AGFG1: variants seen among roughly 807,000 people sequenced by gnomAD.
The protein encoded by AGFG1 is ArfGAP with FG repeats 1.
In AGFG1, 10 loss-of-function variants were observed where a neutral mutation model predicts 60.6. The observed-to-expected ratio is 0.16, with a 90% CI of 0.10 to 0.28. AGFG1 has a LOEUF of 0.28. Among genes scored for constraint, AGFG1 ranks in the 10% least tolerant of loss-of-function variants. The probability of loss-of-function intolerance (pLI) is 1.00; values close to 1 mark genes in which losing one functional copy is unlikely to be tolerated. For synonymous variants in AGFG1, 247 were observed against 242.9 expected (o/e 1.02, Z -0.16); for missense variants, 537 against 676.5 (o/e 0.79, Z 2.29).
rs564314364 is a variant in AGFG1, at chr2:227,548,886, G to A, written c.1379-3073G>A. On this transcript the variant is annotated intron_variant, in intron 10 of 12. Transcript: ENST00000310078. ...CGGGAGGTGGAGCTTGCAGTGAGCCGAGATCACACCACTGCACTCCATCCT... is the reference window on the plus strand; with the variant it reads ...CGGGAGGTGGAGCTTGCAGTGAGCCAAGATCACACCACTGCACTCCATCCT... Among the ~76,000 whole-genome samples, 512 of 151,740 alleles carry A rather than the reference G, an allele frequency of 3.4e-3. 4 individuals are homozygous for A. The highest frequency in any genetic ancestry group is 5.1e-3 in the Non-Finnish European group (347 of 67,900).
At chr2:227,514,152 C>T (rs2106198015) in intron 2 of AGFG1, among the ~76,000 whole-genome samples, 1 of 152,342 alleles carries the variant, frequency 6.6e-6, no homozygotes, top group African/African-American at 2.4e-5. Context: ...TTTCATCACT[C>T]CATAGCCCAT....
At chr2:227,544,996 G>T (rs984886329) in intron 10 of AGFG1, among the ~76,000 whole-genome samples, 3 of 152,196 alleles carry the variant, frequency 2.0e-5, no homozygotes, top group African/African-American at 7.2e-5. Flanking sequence ...TGAATTTGAA[G>T]GTTGGCTTGC....
At chr2:227,475,932 A>G (rs80028344) in intron 1 of AGFG1, among the ~76,000 whole-genome samples, 2,817 of 152,350 alleles carry the variant, frequency 0.018, 88 homozygotes, top group African/African-American at 0.064. Flanking sequence ...AGCAAATAGT[A>G]TCCACTATCA....
chr2:227,533,285 AC>A (rs34874642), intron 6 of AGFG1, among the ~76,000 whole-genome samples: 1 of 151,982 alleles, frequency 6.6e-6, no homozygotes, highest in African/African-American at 2.4e-5. Context: ...GTGTGGAGAT[AC>A]CCCTCCATGA....
chr2:227,515,927 C>T (rs1691636797), intron 2 of AGFG1, among the ~76,000 whole-genome samples: 1 of 152,086 alleles, frequency 6.6e-6, no homozygotes, highest in African/African-American at 2.4e-5. Flanking sequence ...GTGAGTAGGT[C>T]ATAAGGAATT....
At chr2:227,503,343 C>G (rs1329875241) in intron 2 of AGFG1, among the ~76,000 whole-genome samples, 2 of 152,016 alleles carry the variant, frequency 1.3e-5, no homozygotes, top group African/African-American at 4.8e-5. Context: ...ACAACACTGT[C>G]TTTTGGTTAC....
chr2:227,553,594 T>G (rs946892291), intron 11 of AGFG1, 110 bp from the exon 12 acceptor site: 4 of 868,854 alleles, frequency 4.6e-6, no homozygotes, highest in Non-Finnish European at 7.3e-6. Flanking sequence ...TTTAACATTT[T>G]ATTTTTGCTG....
At chr2:227,537,757 T>C (rs1692355484) in intron 10 of AGFG1, among the ~76,000 whole-genome samples, 1 of 152,186 alleles carries the variant, frequency 6.6e-6, no homozygotes, top group African/African-American at 2.4e-5. Context: ...TTTGTTTTTG[T>C]GTATATGTCA....
chr2:227,484,993 A>G (rs1428957528), intron 1 of AGFG1, among the ~76,000 whole-genome samples: 3 of 152,000 alleles, frequency 2.0e-5, no homozygotes, highest in Non-Finnish European at 4.4e-5. Context: ...TACACACATA[A>G]GCCACCGTAC....
At position 227,481,164 on chromosome 2, in the gene AGFG1, A is replaced by G. The variant is rs185661666; in HGVS notation, c.167+8576A>G. On this transcript the variant is annotated intron_variant, in intron 1 of 12. Coordinates refer to ENST00000310078, the MANE Select transcript of AGFG1 (RefSeq NM_004504.5). ...CTCACGCTTTTTATAGTGCAGACATATTTTCTCCAATCTTCTTTTTTGGGG... is the reference window on the plus strand; with the variant it reads ...CTCACGCTTTTTATAGTGCAGACATGTTTTCTCCAATCTTCTTTTTTGGGG... 1.2e-4 allele frequency among the ~76,000 whole-genome samples: 12 copies of G among 98,182 alleles called. No individual in the cohort carries two copies. The East Asian group carries it at 3.0e-3, about 24-fold the overall frequency. The allele number at this position is 98,182 out of a possible 152,430, so 64.4% of individuals were successfully genotyped here.
chr2:227,536,822 G>A, intron 9 of AGFG1, 79 bp from the exon 10 acceptor site: 1 of 1,542,322 alleles, frequency 6.5e-7, no homozygotes, highest in Non-Finnish European at 8.9e-7. Flanking sequence ...TTTCTGTCTT[G>A]ATAAATATAG....
chr2:227,479,085 A>G lies in AGFG1; in HGVS notation c.167+6497A>G, dbSNP rs77356508. Among the ~76,000 whole-genome samples, 1,007 of 152,336 alleles carry G rather than the reference A, an allele frequency of 6.6e-3. 20 individuals are homozygous for G. The highest frequency in any genetic ancestry group is 0.023 in the African/African-American group (965 of 41,568). On this transcript the variant is annotated intron_variant, in intron 1 of 12. Coordinates refer to ENST00000310078, the MANE Select transcript of AGFG1 (RefSeq NM_004504.5). Reference sequence around the variant, plus strand: ...GAGGAGCAGGAGAAAGTGGCCTTCTAGCCATGAATGTTCATTGTGCAGTAG... The same window carrying G: ...GAGGAGCAGGAGAAAGTGGCCTTCTGGCCATGAATGTTCATTGTGCAGTAG...
chr2:227,542,147 G>C (rs199610946), intron 10 of AGFG1, among the ~76,000 whole-genome samples: 4 of 152,080 alleles, frequency 2.6e-5, no homozygotes, highest in African/African-American at 7.2e-5. Context: ...TTGAATACCC[G>C]TTATTTTTTT....
intron 10 of AGFG1, among the ~76,000 whole-genome samples, chr2:227,537,844 A>T (rs1692359167): frequency 6.6e-6 from 1 of 152,196 alleles, no homozygotes; most frequent in Non-Finnish European, 1.5e-5. Context: ...AGGTACTTGT[A>T]ACATTTTAAT....
At chr2:227,547,066 C>G (rs1471614807) in intron 10 of AGFG1, among the ~76,000 whole-genome samples, 2 of 152,204 alleles carry the variant, frequency 1.3e-5, no homozygotes, top group African/African-American at 4.8e-5. Context: ...TCTGAACCAA[C>G]ACTGTTTTTG....
At chr2:227,519,149 G>T (rs772934448) in intron 2 of AGFG1, among the ~76,000 whole-genome samples, 3 of 152,180 alleles carry the variant, frequency 2.0e-5, no homozygotes, top group Non-Finnish European at 4.4e-5. Context: ...CTGGGTGATA[G>T]AGACAGACCT....
chr2:227,546,468 G>A (rs577382891), intron 10 of AGFG1, among the ~76,000 whole-genome samples: 1 of 152,270 alleles, frequency 6.6e-6, no homozygotes, highest in African/African-American at 2.4e-5. Context: ...GCCTTGCTTC[G>A]GCTCACACTC....
intron 11 of AGFG1, among the ~76,000 whole-genome samples, chr2:227,552,791 C>G (rs188648714): frequency 6.6e-6 from 1 of 150,790 alleles, no homozygotes; most frequent in Non-Finnish European, 1.5e-5. Flanking sequence ...CATCTGAGCT[C>G]GGGAGTTCAG....
chr2:227,483,478 AC>A (rs1038989788), intron 1 of AGFG1, among the ~76,000 whole-genome samples: 1 of 151,958 alleles, frequency 6.6e-6, no homozygotes, highest in African/African-American at 2.4e-5. Context: ...ACCCCAAAAA[AC>A]TTTTAGCCCT....
Sources: allele counts gnomAD v4.1 joint callset (sites outside exome capture counted in the v4.1 genomes callset), GRCh38; gene constraint gnomAD v4.1.1; transcripts MANE v1.5; gene names NCBI Gene and HGNC (gene_info 2026-07-23, HGNC 2026-07-21).